PXT1: variants seen among roughly 807,000 people sequenced by gnomAD.
PXT1 encodes peroxisomal testis enriched protein 1, also known as peroxisomal testis-specific protein 1.
A neutral mutation model predicts 11.0 loss-of-function variants in PXT1; 11 were observed. The ratio of observed to expected loss-of-function variants is 1.00; its 90% confidence interval spans 0.63 to 1.66. The LOEUF is 1.66. Among genes scored for constraint, PXT1 ranks in the 40% most tolerant of loss-of-function variants. PXT1 has a pLI of 0.00. For missense variants in PXT1, 141 were observed against 155.5 expected (o/e 0.91, Z 0.49); for synonymous variants, 43 against 51.4 (o/e 0.84, Z 0.70).
intron 3 of PXT1, among the ~76,000 whole-genome samples, chr6:36,415,720 A>T (rs1774437092): frequency 6.6e-6 from 1 of 152,160 alleles, no homozygotes; most frequent in South Asian, 2.1e-4. Context: ...AGGTTTGCAG[A>T]TTGAGGAGAG....
intron 2 of PXT1, among the ~76,000 whole-genome samples, chr6:36,429,158 C>T (rs1466312309): frequency 8.4e-5 from 12 of 143,024 alleles, no homozygotes; most frequent in Admixed American, 4.4e-4. Context: ...CCCAGCTACT[C>T]AGGAAGCTGA....
chr6:36,434,602 G>A lies in PXT1; in HGVS notation c.-10+4165C>T, dbSNP rs577622946. Among the ~76,000 whole-genome samples, 8 of 152,074 alleles carry A rather than the reference G, an allele frequency of 5.3e-5. No homozygotes were observed. The South Asian group carries it at 1.7e-3, about 32-fold the overall frequency. ...TCTCCTTAGTTTTGATGAAATAGTT[G>A]GGTGTATAAAGGCCAAATAAAATCA... is the stretch of plus-strand genomic sequence containing the variant. On this transcript the variant is annotated intron_variant, in intron 2 of 4. Transcript: ENST00000454782.
chr6:36,425,804 A>AACAAACAAAC (rs534611605), intron 3 of PXT1, 110 bp downstream of exon 3: 14,740 of 238,660 alleles, frequency 0.062, 339 homozygotes, highest in South Asian at 0.092. Context: ...CAAAAACAAA[A>AACAAACAAAC]AATATATATA....
intron 2 of PXT1, among the ~76,000 whole-genome samples, chr6:36,430,727 C>A (rs79745905): frequency 0.013 from 1,967 of 152,278 alleles, 41 homozygotes; most frequent in African/African-American, 0.044. Context: ...GTTACAGCAA[C>A]AGTAGAAAAC....
At chr6:36,410,454 T>C (rs879438432) in intron 3 of PXT1, among the ~76,000 whole-genome samples, 2 of 64,626 alleles carry the variant, frequency 3.1e-5, no homozygotes, top group African/African-American at 6.5e-5. Context: ...AAAAAAGAAA[T>C]GAAGGAAGGA....
At chr6:36,425,707 AAAC>A (rs1404760391) in intron 3 of PXT1, among the ~76,000 whole-genome samples, 3 of 151,634 alleles carry the variant, frequency 2.0e-5, no homozygotes, top group Admixed American at 1.3e-4. Context: ...AGAATCGCTT[AAAC>A]CCAGGAGCCA....
At chr6:36,414,383 G>A (rs1774417982) in intron 3 of PXT1, among the ~76,000 whole-genome samples, 1 of 152,128 alleles carries the variant, frequency 6.6e-6, no homozygotes, top group Admixed American at 6.5e-5. Flanking sequence ...ATGGAGGAGG[G>A]GAGGAAAGGA....
chr6:36,435,661 A>C (rs1326654937), intron 2 of PXT1, among the ~76,000 whole-genome samples: 2 of 152,160 alleles, frequency 1.3e-5, no homozygotes, highest in African/African-American at 2.4e-5. Flanking sequence ...CAAATGGAAA[A>C]GACCTAAACC....
At chr6:36,438,100 G>A (rs915872694) in intron 2 of PXT1, among the ~76,000 whole-genome samples, 12 of 151,958 alleles carry the variant, frequency 7.9e-5, no homozygotes, top group Non-Finnish European at 1.6e-4. Flanking sequence ...GATTATAGGC[G>A]TGAGCCACCG....
At chr6:36,426,341 TTCTC>T (rs199897460) in intron 2 of PXT1, among the ~76,000 whole-genome samples, 1 of 146,916 alleles carries the variant, frequency 6.8e-6, no homozygotes, top group African/African-American at 2.5e-5. Flanking sequence ...TTAGTCTTTC[TTCTC>T]TCTCTCTCGC....
chr6:36,406,870 C>T (rs1416082288), intron 3 of PXT1, among the ~76,000 whole-genome samples: 1 of 151,858 alleles, frequency 6.6e-6, no homozygotes, highest in Non-Finnish European at 1.5e-5. Flanking sequence ...GCCTCAGAGC[C>T]CAAGCCCTCC....
intron 3 of PXT1, among the ~76,000 whole-genome samples, chr6:36,418,293 T>C (rs114910336): frequency 0.045 from 6,920 of 152,254 alleles, 223 homozygotes; most frequent in Middle Eastern, 0.11. Flanking sequence ...AATTCTAACA[T>C]GCACCCAGGG....
intron 2 of PXT1, among the ~76,000 whole-genome samples, chr6:36,436,311 C>G (rs1256852023): frequency 6.6e-6 from 1 of 152,094 alleles, no homozygotes; most frequent in East Asian, 1.9e-4. Context: ...ACTTTGGCTA[C>G]TGGATGGAGG....
intron 3 of PXT1, among the ~76,000 whole-genome samples, chr6:36,403,891 T>C (rs1582251335): frequency 6.6e-6 from 1 of 152,276 alleles, no homozygotes; most frequent in East Asian, 1.9e-4. Context: ...AAATTGTAGG[T>C]ACCTTTATGA....
At chr6:36,439,293 T>C (rs1774820156) in intron 1 of PXT1, among the ~76,000 whole-genome samples, 1 of 151,520 alleles carries the variant, frequency 6.6e-6, no homozygotes, top group African/African-American at 2.4e-5. Context: ...GCCTATTTTC[T>C]TTTCCAAATG....
intron 3 of PXT1, among the ~76,000 whole-genome samples, chr6:36,417,208 G>A (rs934380216): frequency 4.6e-5 from 7 of 152,022 alleles, no homozygotes; most frequent in Non-Finnish European, 8.8e-5. Flanking sequence ...TTAGCCAGGC[G>A]TGGTGGCGGG....
At position 36,391,485 on chromosome 6, in the gene PXT1, C is replaced by A; in HGVS notation, c.*285G>T. 1 of 390,626 alleles carries A rather than the reference C, an allele frequency of 2.6e-6. No individual in the cohort carries two copies. The highest frequency in any genetic ancestry group is 4.6e-6 in the Non-Finnish European group (1 of 216,352). The allele number at this position is 390,626 out of a possible 1,614,324, so 24.2% of individuals were successfully genotyped here. A position where few individuals can be genotyped will look rare whatever the true frequency, so the allele number is the denominator to read the frequency against. On this transcript the variant is annotated 3_prime_UTR_variant, in exon 5 of 5. Transcript: ENST00000454782. ...GTTTCCTCACAAGGAGCCCTGGGAC[C>A]ATCCACAGCGCTGGTGTTTTCTGGG...
intron 2 of PXT1, among the ~76,000 whole-genome samples, chr6:36,427,127 C>T (rs1218965837): frequency 1.3e-5 from 2 of 151,698 alleles, no homozygotes; most frequent in African/African-American, 4.8e-5. Flanking sequence ...CTCACCCTCC[C>T]GAGTAGCTGG....
chr6:36,407,246 T>A (rs972678753), intron 3 of PXT1, among the ~76,000 whole-genome samples: 1 of 152,168 alleles, frequency 6.6e-6, no homozygotes, highest in Non-Finnish European at 1.5e-5. Flanking sequence ...TGCACCTGCC[T>A]TACAGACATT....
Sources: gnomAD v4.1 joint callset for allele counts (sites outside exome capture counted in the v4.1 genomes callset) on GRCh38, gnomAD v4.1.1 for gene constraint, MANE v1.5 for transcripts, NCBI Gene and HGNC (gene_info 2026-07-23, HGNC 2026-07-21) for gene names.